Variants in FLRT2 observed in about 807,000 individuals in gnomAD.
The protein encoded by FLRT2 is leucine-rich repeat transmembrane protein FLRT2.
Under a neutral mutation model 40.0 loss-of-function variants are expected in FLRT2, and 15 were observed. The ratio of observed to expected loss-of-function variants is 0.38; its 90% CI spans 0.25 to 0.58. FLRT2 has a LOEUF of 0.58. Ranked by LOEUF, FLRT2 falls within the 20% of genes least tolerant of loss-of-function variation. FLRT2 has a pLI of 0.71. For missense variants in FLRT2, 726 were observed against 840.0 expected (o/e 0.86, Z 1.68); for synonymous variants, 380 against 336.8 (o/e 1.13, Z -1.41).
At chr14:85,533,136 A>G (rs1201574507) in intron 1 of FLRT2, among the ~76,000 whole-genome samples, 4 of 151,998 alleles carry the variant, frequency 2.6e-5, no homozygotes, top group Non-Finnish European at 5.9e-5. Flanking sequence ...AGTAGGAGGG[A>G]CTCCGGGAGA....
intron 1 of FLRT2, chr14:85,531,215 C>G (rs776567449): frequency 2.0e-5 from 3 of 152,428 alleles, no homozygotes; most frequent in East Asian, 1.9e-4. Flanking sequence ...AGGCGGAATC[C>G]GGATCGAGTG....
In FLRT2 at chr14:85,553,110, C is replaced by G. The variant is rs373150743; in HGVS notation, c.-377+22576C>G. 2.6e-4 allele frequency among the ~76,000 whole-genome samples: 40 copies of G among 152,230 alleles called. 2 individuals carry two copies. The East Asian group carries it at 5.6e-3, about 21-fold the overall frequency. On this transcript the variant is annotated intron_variant, in intron 1 of 1. Transcript: ENST00000330753. ...CCCCCTTTCACCCATTGGCCCTTTT[C>G]TTTTGATTTGGTTAAGATTCTGTGA...
intron 1 of FLRT2, among the ~76,000 whole-genome samples, chr14:85,566,685 T>A (rs897805336): frequency 8.6e-5 from 13 of 151,730 alleles, no homozygotes; most frequent in Non-Finnish European, 1.8e-4. Flanking sequence ...ATACAAGGTT[T>A]ATATTCCTGG....
rs1393108598 is a variant in FLRT2, at chr14:85,639,837, T to A, written c.*16340T>A. 1 of 52,340 alleles carries A rather than the reference T, an allele frequency of 1.9e-5. No homozygotes were observed. The highest frequency in any genetic ancestry group is 4.1e-5 in the Non-Finnish European group (1 of 24,518). The allele number at this position is 52,340 out of a possible 1,614,324, so 3.2% of individuals were successfully genotyped here. On this transcript the variant is annotated 3_prime_UTR_variant, in exon 2 of 2. Transcript: ENST00000330753. The stretch of plus-strand genomic sequence containing the variant: ...GTGCTTCACTAGCAGAAATTCTTTA[T>A]TTTTTTTTTTTTCCTTTTTTTTTTT...
rs988877452 is a variant in FLRT2, at chr14:85,645,831, C to T, written c.*22334C>T. The T allele has an allele frequency of 3.9e-5, 6 of 152,140 alleles. No homozygotes were observed. Among genetic ancestry groups the T allele is most frequent in the African/African-American group, 1.4e-4 (6 of 41,448 alleles). 9.4% of individuals were successfully genotyped at this position (152,140 alleles called of 1,614,324 possible). A position where few individuals can be genotyped will look rare whatever the true frequency, so the allele number is the denominator to read the frequency against. Reference sequence around the variant, plus strand: ...TGTTGGTAACATATGCATTCAACAACATAGTTCATTTGGTAGAGTCAATAC... The same window carrying T: ...TGTTGGTAACATATGCATTCAACAATATAGTTCATTTGGTAGAGTCAATAC... On this transcript the variant is annotated 3_prime_UTR_variant, in exon 2 of 2. Coordinates refer to ENST00000330753, the MANE Select transcript of FLRT2 (RefSeq NM_013231.6).
intron 1 of FLRT2, among the ~76,000 whole-genome samples, chr14:85,533,456 C>T (rs1594978139): frequency 6.6e-6 from 1 of 152,046 alleles, no homozygotes; most frequent in Non-Finnish European, 1.5e-5. Flanking sequence ...TCCGAGCTGT[C>T]CGCACACACG....
At chr14:85,546,247 A>G (rs1451934152) in intron 1 of FLRT2, among the ~76,000 whole-genome samples, 2 of 152,150 alleles carry the variant, frequency 1.3e-5, no homozygotes, top group African/African-American at 2.4e-5. Context: ...TTATTTGTCC[A>G]TGGTATTTCT....
chr14:85,648,221 T>C lies in FLRT2; in HGVS notation c.*24724T>C, dbSNP rs1242155538. On this transcript the variant is annotated 3_prime_UTR_variant, in exon 2 of 2. Transcript: ENST00000330753. ...GGCAGGTGCATGTTGTTATTGCTAC[T>C]TTTTTCAAGTCTAAGTTCTAGGTAC... 1 of 152,134 alleles carries C rather than the reference T, an allele frequency of 6.6e-6. No individual in the cohort carries two copies. The highest frequency in any genetic ancestry group is 1.5e-5 in the Non-Finnish European group (1 of 68,028). 9.4% of individuals were successfully genotyped at this position (152,134 alleles called of 1,614,324 possible). A position where few individuals can be genotyped will look rare whatever the true frequency, so the allele number is the denominator to read the frequency against.
At chr14:85,534,015 C>T (rs1203514842) in intron 1 of FLRT2, among the ~76,000 whole-genome samples, 6 of 152,222 alleles carry the variant, frequency 3.9e-5, no homozygotes, top group Admixed American at 1.3e-4. Flanking sequence ...CCCCAACCCT[C>T]TTCTTCCATG....
intron 1 of FLRT2, among the ~76,000 whole-genome samples, chr14:85,605,161 CT>C (rs1463637039): frequency 6.6e-6 from 1 of 152,170 alleles, no homozygotes; most frequent in Admixed American, 6.5e-5. Flanking sequence ...CCCACACCCC[CT>C]CTTCCTATTG....
intron 1 of FLRT2, among the ~76,000 whole-genome samples, chr14:85,618,602 T>C (rs1893239799): frequency 6.6e-6 from 1 of 152,208 alleles, no homozygotes; most frequent in Admixed American, 6.5e-5. Context: ...CCAGAAGATG[T>C]AATTTACATA....
chr14:85,584,684 C>G (rs1196151778), intron 1 of FLRT2, among the ~76,000 whole-genome samples: 2 of 152,170 alleles, frequency 1.3e-5, no homozygotes, highest in Non-Finnish European at 2.9e-5. Flanking sequence ...CTGGCCGCCC[C>G]TGCAGATGCA....
At chr14:85,582,183 T>A (rs183039206) in intron 1 of FLRT2, among the ~76,000 whole-genome samples, 3 of 152,202 alleles carry the variant, frequency 2.0e-5, no homozygotes, top group Non-Finnish European at 4.4e-5. Context: ...GGAGCGTTGA[T>A]AGAATTCTGT....
chr14:85,582,609 T>A (rs1891440352), intron 1 of FLRT2, among the ~76,000 whole-genome samples: 1 of 152,114 alleles, frequency 6.6e-6, no homozygotes, highest in Non-Finnish European at 1.5e-5. Flanking sequence ...ACTGTGTGAA[T>A]TAAATGAAGA....
rs4015970 is a variant in FLRT2, at chr14:85,579,925, ATTTTT to A, written c.-376-41195_-376-41191del. Among the ~76,000 whole-genome samples, 65 of 117,562 alleles carry A rather than the reference ATTTTT, an allele frequency of 5.5e-4. No homozygotes were observed. In the South Asian group the frequency reaches 6.7e-3, roughly 12 times the overall value. 77.1% of individuals were successfully genotyped at this position (117,562 alleles called of 152,430 possible). ...GTCATTCCATGCACAGGGTATTAGA[ATTTTT>A]TTTTTTTTTTTTTTTTTTAAATAAG... On this transcript the variant is annotated intron_variant, in intron 1 of 1. Coordinates refer to ENST00000330753, the MANE Select transcript of FLRT2 (RefSeq NM_013231.6).
chr14:85,597,590 C>A (rs1018840110), intron 1 of FLRT2, among the ~76,000 whole-genome samples: 1 of 152,168 alleles, frequency 6.6e-6, no homozygotes, highest in African/African-American at 2.4e-5. Context: ...GAGTTTTGCT[C>A]TTGTTGCCCA....
intron 1 of FLRT2, among the ~76,000 whole-genome samples, chr14:85,602,230 G>A (rs982104574): frequency 1.3e-5 from 2 of 152,148 alleles, no homozygotes; most frequent in Non-Finnish European, 2.9e-5. Context: ...AAATACACAT[G>A]TACCTACTTG....
chr14:85,637,226 G>C lies in FLRT2; in HGVS notation c.*13729G>C, dbSNP rs1369671119. 1 of 152,078 alleles carries C rather than the reference G, an allele frequency of 6.6e-6. No homozygotes were observed. Among genetic ancestry groups the C allele is most frequent in the Non-Finnish European group, 1.5e-5 (1 of 68,016 alleles). 9.4% of individuals were successfully genotyped at this position (152,078 alleles called of 1,614,324 possible). A position where few individuals can be genotyped will look rare whatever the true frequency, so the allele number is the denominator to read the frequency against. ...AAGTTATTAAAAGCATTAACAAGTA[G>C]TTGAAAATATTATCCCTCTAAGTAT... On this transcript the variant is annotated 3_prime_UTR_variant, in exon 2 of 2. Coordinates refer to ENST00000330753, the MANE Select transcript of FLRT2 (RefSeq NM_013231.6).
chr14:85,557,912 G>T (rs1398867309), intron 1 of FLRT2, among the ~76,000 whole-genome samples: 1 of 152,172 alleles, frequency 6.6e-6, no homozygotes, highest in Non-Finnish European at 1.5e-5. Context: ...GTTCATGGTA[G>T]AAGGAAAATG....
Sources: allele counts gnomAD v4.1 joint callset (sites outside exome capture counted in the v4.1 genomes callset), GRCh38; gene constraint gnomAD v4.1.1; transcripts MANE v1.5; gene names NCBI Gene and HGNC (gene_info 2026-07-23, HGNC 2026-07-21).